The following ZFYVE26 variants were observed in gnomAD, a reference collection of about 807,000 sequenced individuals.
ZFYVE26 encodes the protein zinc finger FYVE-type containing 26, also known as zinc finger FYVE domain-containing protein 26.
ZFYVE26 carries 181 observed loss-of-function variants against 276.5 expected under a neutral mutation model. That is an observed-to-expected ratio of 0.65 (90% CI 0.58 to 0.74). The LOEUF is 0.74. ZFYVE26 is among the 30% of genes least tolerant of loss of function. ZFYVE26 has a pLI of 0.00. For synonymous variants in ZFYVE26, 1,129 were observed against 1,203.1 expected, an observed-to-expected ratio of 0.94 and a Z score of 1.27; for missense variants, 2,821 against 3,097.9, an observed-to-expected ratio of 0.91 and a Z score of 2.12.
At chr14:67,775,185 T>C in intron 26 of ZFYVE26, 71 bp from the exon 27 acceptor site, 1 of 1,068,788 alleles carries the variant, frequency 9.4e-7, no homozygotes, top group Non-Finnish European at 1.4e-6. Context: ...CCTAGGCATT[T>C]AGAACAAAGC....
In ZFYVE26 at chr14:67,754,179, C is replaced by A; in HGVS notation, c.7020G>T (p.Val2340=). The change falls in exon 38 of 42, where the codon GTG becomes GTT. Residue 2340 remains valine, a synonymous_variant. Transcript: ENST00000347230. The part of the protein sequence containing the change: ...HMNTLQLQME[V]TRFLHRCESA... ...TTTCGCACCGATGCAAGAACCTGGT[C>A]ACTTCCATCTGCAGCTGAAGTGTGT... 1 of 1,614,212 alleles carries A rather than the reference C, an allele frequency of 6.2e-7. No individual in the cohort carries two copies. The highest frequency in any genetic ancestry group is 1.1e-5 in the South Asian group (1 of 91,054).
At chr14:67,749,902 G>A (rs2038590064) in intron 41 of ZFYVE26, among the ~76,000 whole-genome samples, 1 of 152,224 alleles carries the variant, frequency 6.6e-6, no homozygotes, top group African/African-American at 2.4e-5. Context: ...AGTCTGGAAT[G>A]GAGTTGAATG....
chr14:67,809,126 T>A, intron 4 of ZFYVE26, 74 bp downstream of exon 4: 23 of 1,305,710 alleles, frequency 1.8e-5, no homozygotes, highest in Non-Finnish European at 2.4e-5. Flanking sequence ...GACCTCTCTC[T>A]TCTGGGTCCA....
In ZFYVE26 at chr14:67,797,704, C is replaced by T. The variant is rs146290086; in HGVS notation, c.2300G>A (p.Arg767His). 9.5e-5 allele frequency: 154 copies of T among 1,614,176 alleles called. 1 individual carries two copies. In the African/African-American group the frequency reaches 1.1e-3, roughly 11 times the overall value. Residue 767 changes from arginine (R) to histidine (H), a missense_variant, in exon 12 of 42, where the codon CGC becomes CAC. Transcript: ENST00000347230. Reference protein sequence around the residue: ...YQPATRHPSLRRGRRTRRSQA... With the variant: ...YQPATRHPSLHRGRRTRRSQA... ...GCTCCTTCTTGTCCGACGACCCCGG[C>T]GGAGACTGGGGTGACGTGTGGCAGG...
chr14:67,794,362 C>T (rs896492629), intron 12 of ZFYVE26, 123 bp from the exon 13 acceptor site: 2 of 953,812 alleles, frequency 2.1e-6, no homozygotes, highest in Admixed American at 3.5e-5. Flanking sequence ...ATAACTATGA[C>T]ACCTGCTGCT....
rs757340973 is a variant in ZFYVE26 at position 67,807,932 on chromosome 14, A to G, written c.364-12T>C. On this transcript the variant is annotated splice_polypyrimidine_tract_variant and intron_variant, in intron 4 of 41. Transcript: ENST00000347230. Reference sequence around the variant, plus strand: ...GTCTCATACAGCTCCTAAATAGAGGATGAAGAAAAGGATGGGTGGTGGGCA... The same window carrying G: ...GTCTCATACAGCTCCTAAATAGAGGGTGAAGAAAAGGATGGGTGGTGGGCA... The G allele has an allele frequency of 1.7e-5, 28 of 1,614,054 alleles. No individual in the cohort carries two copies. The East Asian group carries it at 5.8e-4, about 33-fold the overall frequency.
chr14:67,778,479 CT>C (rs2039411302), intron 23 of ZFYVE26, among the ~76,000 whole-genome samples: 1 of 152,130 alleles, frequency 6.6e-6, no homozygotes, highest in Non-Finnish European at 1.5e-5. Context: ...TGGGAAGATT[CT>C]AAGGAAGTGG....
chr14:67,776,216 G>T, intron 25 of ZFYVE26, 110 bp from the exon 26 acceptor site: 1 of 1,467,178 alleles, frequency 6.8e-7, no homozygotes, highest in Non-Finnish European at 9.4e-7. Context: ...AAGGTGCATA[G>T]CCAGCTACTG....
At position 67,776,047 on chromosome 14, in the gene ZFYVE26, G is replaced by T. The variant is rs1347309634; in HGVS notation, c.5034C>A (p.Pro1678=). Residue 1678 remains proline, a synonymous_variant, in exon 26 of 42, where the codon CCC becomes CCA. Coordinates refer to ENST00000347230, the MANE Select transcript of ZFYVE26 (RefSeq NM_015346.4). ...RASYSHLSSN[P]LFMLEQLLMN... ...TAAGCAGCTGCTCCAGCATGAACAG[G>T]GGGTTAGAGGACAAGTGGGAATAGC... 4.3e-6 allele frequency: 7 copies of T among 1,614,118 alleles called. No individual in the cohort carries two copies. The South Asian group carries it at 6.6e-5, about 15-fold the overall frequency.
intron 22 of ZFYVE26, 100 bp downstream of exon 22, chr14:67,781,233 A>G (rs896395643): frequency 3.5e-6 from 5 of 1,421,574 alleles, no homozygotes; most frequent in African/African-American, 2.8e-5. Context: ...ACCCAGACCT[A>G]TATTTTCTCT....
chr14:67,794,324 C>T (rs1355764013), intron 12 of ZFYVE26, 85 bp from the exon 13 acceptor site: 1 of 1,289,262 alleles, frequency 7.8e-7, no homozygotes, highest in Non-Finnish European at 1.1e-6. Context: ...CAGCCAAGAT[C>T]TGTGTAGTTA....
intron 28 of ZFYVE26, chr14:67,769,989 G>T (rs2039165537): frequency 3.9e-6 from 2 of 518,118 alleles, no homozygotes; most frequent in African/African-American, 1.9e-5. Flanking sequence ...GTGTATGGAG[G>T]CAACATGTGG....
At chr14:67,785,522 T>C (rs1018098283) in intron 18 of ZFYVE26, among the ~76,000 whole-genome samples, 2 of 152,238 alleles carry the variant, frequency 1.3e-5, no homozygotes, top group Non-Finnish European at 2.9e-5. Flanking sequence ...TAGTTCTATT[T>C]TTATCCTTGT....
intron 30 of ZFYVE26, 34 bp downstream of exon 30, chr14:67,768,483 A>G (rs1252777680): frequency 6.2e-7 from 1 of 1,611,624 alleles, no homozygotes; most frequent in African/African-American, 1.3e-5. Context: ...AAGTACACAA[A>G]TGAAGAGTCA....
intron 27 of ZFYVE26, among the ~76,000 whole-genome samples, chr14:67,774,655 C>A (rs918936434): frequency 2.0e-5 from 3 of 152,138 alleles, no homozygotes; most frequent in Non-Finnish European, 4.4e-5. Context: ...ACTTCTGAAT[C>A]TCCTTTGTAG....
intron 11 of ZFYVE26, 124 bp from the exon 12 acceptor site, chr14:67,797,879 C>G: frequency 6.4e-7 from 1 of 1,564,496 alleles, no homozygotes; most frequent in Non-Finnish European, 8.8e-7. Flanking sequence ...CCCCAGTGTT[C>G]TGACACTGGT....
chr14:67,789,630 G>A (rs1288208562), intron 15 of ZFYVE26, 32 bp from the exon 16 acceptor site: 2 of 1,613,572 alleles, frequency 1.2e-6, no homozygotes. Context: ...AAAAAGCAAA[G>A]GGTTAAAAGG....
At chr14:67,784,200 A>G in intron 20 of ZFYVE26, 134 bp downstream of exon 20, 1 of 788,604 alleles carries the variant, frequency 1.3e-6, no homozygotes, top group Non-Finnish European at 2.2e-6. Flanking sequence ...TCAGTTATAT[A>G]AGAATAAAAA....
chr14:67,771,638 G>A (rs912375542), intron 28 of ZFYVE26, among the ~76,000 whole-genome samples: 1 of 152,170 alleles, frequency 6.6e-6, no homozygotes, highest in African/African-American at 2.4e-5. Context: ...CCAAAATAGT[G>A]TATAGTCACA....
Sources: allele counts gnomAD v4.1 joint callset (sites outside exome capture counted in the v4.1 genomes callset), GRCh38; gene constraint gnomAD v4.1.1; transcripts MANE v1.5; gene names NCBI Gene and HGNC (gene_info 2026-07-23, HGNC 2026-07-21).